RMND5B: variants seen among roughly 807,000 people sequenced by gnomAD.
RMND5B encodes E3 ubiquitin-protein transferase RMND5B.
A neutral mutation model predicts 50.4 loss-of-function variants in RMND5B; 42 were observed. The observed-to-expected ratio is 0.83, with a 90% CI of 0.65 to 1.08. RMND5B has a LOEUF of 1.08. Ranked by LOEUF, RMND5B falls within the 50% of genes least tolerant of loss-of-function variation. The probability of loss-of-function intolerance (pLI) is 0.00; values close to 1 mark genes in which losing one functional copy is unlikely to be tolerated. For missense variants in RMND5B, 463 were observed against 508.5 expected, an observed-to-expected ratio of 0.91 and a Z score of 0.86; for synonymous variants, 220 against 210.0, an observed-to-expected ratio of 1.05 and a Z score of -0.41.
intron 7 of RMND5B, chr5:178,145,874 C>G: frequency 2.0e-6 from 1 of 488,432 alleles, no homozygotes; most frequent in Non-Finnish European, 3.7e-6. Context: ...TGTCCTCATT[C>G]CTGATTCTGT....
At chr5:178,143,834 C>A (rs2113426630) in intron 6 of RMND5B, 107 bp downstream of exon 6, 3 of 1,471,330 alleles carry the variant, frequency 2.0e-6, no homozygotes, top group Middle Eastern at 1.8e-4. Context: ...TTGCCTGCAG[C>A]CCTGTCTCAA....
At position 178,147,879 on chromosome 5, in the gene RMND5B, G is replaced by A. The variant is rs1307227112; in HGVS notation, c.1114G>A (p.Gly372Arg). 5.6e-6 allele frequency: 9 copies of A among 1,614,084 alleles called. No homozygotes were observed. The highest frequency in any genetic ancestry group is 6.8e-6 in the Non-Finnish European group (8 of 1,180,010). ...TGCACTCAATAAGCTCATTAATGGA[G>A]GAAAGTAAGTTCCCCGTGCTCTACT... Reference protein sequence around the residue: ...RDALNKLINGGKLKCPYCPME... With the variant: ...RDALNKLINGRKLKCPYCPME... Residue 372 changes from glycine (G) to arginine (R), a missense_variant, in exon 10 of 11, where the codon GGA becomes AGA. Physicochemically the swap from Gly to Arg is moderately radical, Grantham distance 125. Transcript: ENST00000313386.
intron 3 of RMND5B, among the ~76,000 whole-genome samples, chr5:178,139,746 CAG>C (rs1478741140): frequency 1.4e-4 from 17 of 123,174 alleles, no homozygotes; most frequent in African/African-American, 5.4e-4. Context: ...TTAGTAGAGA[CAG>C]GGTTTTGCCA....
rs200672147 is a variant in RMND5B, at chr5:178,142,936, A to G, written c.370A>G (p.Ile124Val). 1.7e-4 allele frequency: 282 copies of G among 1,614,242 alleles called. No individual in the cohort carries two copies. The highest frequency in any genetic ancestry group is 2.2e-4 in the Non-Finnish European group (264 of 1,180,030). Residue 124 changes from isoleucine to valine, a missense_variant, in exon 5 of 11, where the codon ATC (isoleucine) becomes GTC (valine). Physicochemically the swap from Ile to Val is conservative, Grantham distance 29. Coordinates refer to ENST00000313386, the MANE Select transcript of RMND5B (RefSeq NM_022762.5). Reference sequence around the variant, plus strand: ...GCAGCAGCAGATCCTGCAGATGGCCATCGTGGAACACCTGTATCAGCAGGG... The same window carrying G: ...GCAGCAGCAGATCCTGCAGATGGCCGTCGTGGAACACCTGTATCAGCAGGG... The part of the protein sequence containing the change: ...EQQQQILQMA[I>V]VEHLYQQGML...
chr5:178,137,659 T>C lies in RMND5B; in HGVS notation c.-12-449T>C, dbSNP rs1441085153. 1.3e-4 allele frequency among the ~76,000 whole-genome samples: 20 copies of C among 152,144 alleles called. No individual in the cohort carries two copies. Among genetic ancestry groups the C allele is most frequent in the Admixed American group, 1.3e-3 (20 of 15,268 alleles). ...GAGCTGAGTTTGTGCCACTGCACTC[T>C]AGCCAGGGCAACAGAACAAGAGCCT... is the stretch of plus-strand genomic sequence containing the variant. On this transcript the variant is annotated intron_variant, in intron 2 of 10. Transcript: ENST00000313386. This position sits in a 1 kb window ranked among gnomAD's most constrained non-coding sequence, Gnocchi z 4.4.
At chr5:178,146,651 GGA>G (rs975938097) in intron 8 of RMND5B, 7 of 201,184 alleles carry the variant, frequency 3.5e-5, no homozygotes, top group Non-Finnish European at 7.2e-5. Flanking sequence ...TGCCTTCAGG[GGA>G]GATGTGAGTG....
Position 178,148,934 on chromosome 5 carries a change from C to A in RMND5B, c.*902C>A, listed in dbSNP as rs1756185613. Reference sequence around the variant, plus strand: ...CTATTTCCAGTTTATTCCAGGGTGCCTGAACTTGGCTGTTATGTATACTGA... The same window carrying A: ...CTATTTCCAGTTTATTCCAGGGTGCATGAACTTGGCTGTTATGTATACTGA... On this transcript the variant is annotated 3_prime_UTR_variant, in exon 11 of 11. Transcript: ENST00000313386. 6.6e-6 allele frequency: 1 copy of A among 152,280 alleles called. No homozygotes were observed. Among genetic ancestry groups the A allele is most frequent in the African/African-American group, 2.4e-5 (1 of 41,444 alleles). The allele number at this position is 152,280 out of a possible 1,614,324, so 9.4% of individuals were successfully genotyped here. A position where few individuals can be genotyped will look rare whatever the true frequency, so the allele number is the denominator to read the frequency against.
At chr5:178,147,253 T>C (rs1463625415) in intron 8 of RMND5B, 3 of 472,916 alleles carry the variant, frequency 6.3e-6, no homozygotes, top group African/African-American at 5.9e-5. Flanking sequence ...CAAGGACTTT[T>C]CAGTCATTAG....
chr5:178,142,874 G>T lies in RMND5B; in HGVS notation c.308G>T (p.Gly103Val). ...IDRNFDSEICGVVSDAVWDAR... is the reference protein window; with the variant it reads ...IDRNFDSEICVVVSDAVWDAR... ...CAGAACTTCGACTCTGAGATCTGTG[G>T]TGTTGTGTCAGATGCGGTGTGGGAC... is the stretch of plus-strand genomic sequence containing the variant. The change falls in exon 5 of 11, where the codon GGT becomes GTT. Residue 103 changes from glycine (G) to valine (V), a missense_variant. Gly to Val is a moderately radical substitution (Grantham distance 109, BLOSUM62 -3). Coordinates refer to ENST00000313386, the MANE Select transcript of RMND5B (RefSeq NM_022762.5). 1 of 1,614,240 alleles carries T rather than the reference G, an allele frequency of 6.2e-7. No individual in the cohort carries two copies. Among genetic ancestry groups the T allele is most frequent in the South Asian group, 1.1e-5 (1 of 91,084 alleles).
chr5:178,143,764 T>A (rs1000904262), intron 6 of RMND5B, 37 bp downstream of exon 6: 1 of 1,525,644 alleles, frequency 6.6e-7, no homozygotes, highest in African/African-American at 1.4e-5. Context: ...AGCATTCTGC[T>A]TCGACCTCTC....
Position 178,138,506 on chromosome 5 carries a change from T to C in RMND5B, c.139+248T>C. The C allele has an allele frequency of 1.0e-6, 1 of 976,148 alleles. No homozygotes were observed. The highest frequency in any genetic ancestry group is 1.4e-6 in the Non-Finnish European group (1 of 731,668). The allele number at this position is 976,148 out of a possible 1,614,324, so 60.5% of individuals were successfully genotyped here. ...ACTTACTTTTCTATTTTTAACTTTT[T>C]TTCATTTTATAATTGTGTGTGTGTG... On this transcript the variant is annotated intron_variant, in intron 3 of 10. Transcript: ENST00000313386. This position sits in a 1 kb window ranked among gnomAD's most constrained non-coding sequence, Gnocchi z 5.1.
In RMND5B at chr5:178,137,694, A is replaced by G. The variant is rs1402361775; in HGVS notation, c.-12-414A>G. ...AACAGAACAAGAGCCTGTCTCAAAA[A>G]AAGAAAATACATACGTGTAATATGA... On this transcript the variant is annotated intron_variant, in intron 2 of 10. Coordinates refer to ENST00000313386, the MANE Select transcript of RMND5B (RefSeq NM_022762.5). The surrounding 1 kb of genome is among the most constrained non-coding windows in gnomAD (Gnocchi z 4.4). Among the ~76,000 whole-genome samples, 4 of 152,216 alleles carry G rather than the reference A, an allele frequency of 2.6e-5. No individual in the cohort carries two copies. The highest frequency in any genetic ancestry group is 9.7e-5 in the African/African-American group (4 of 41,448).
intron 3 of RMND5B, among the ~76,000 whole-genome samples, chr5:178,140,827 CAAA>C (rs113302363): frequency 5.8e-5 from 7 of 120,618 alleles, no homozygotes; most frequent in Non-Finnish European, 1.1e-4. Flanking sequence ...GAGACTGTCT[CAAA>C]AAAAAAAAAA....
chr5:178,133,734 C>T (rs569674867), intron 2 of RMND5B, among the ~76,000 whole-genome samples: 3 of 139,036 alleles, frequency 2.2e-5, no homozygotes, highest in South Asian at 2.3e-4. Flanking sequence ...TTTTTGGAGA[C>T]GGAGTCTCAC....
intron 3 of RMND5B, among the ~76,000 whole-genome samples, chr5:178,139,710 ATT>A (rs113719288): frequency 5.2e-4 from 67 of 129,856 alleles, no homozygotes; most frequent in East Asian, 1.3e-3. Flanking sequence ...TGCCTGGCTA[ATT>A]TTTTTTTTTT....
Position 178,138,148 on chromosome 5 carries a change from A to G in RMND5B, c.29A>G (p.Glu10Gly). ...GAGCAGTGTGCGTGCGTGGAGAGAG[A>G]GCTGGACAAGGTCCTGCAGAAGTTC... MEQCACVERELDKVLQKFLT... is the reference protein window; with the variant it reads MEQCACVERGLDKVLQKFLT... Residue 10 changes from glutamate to glycine, a missense_variant, in exon 3 of 11, where the codon GAG becomes GGG. Transcript: ENST00000313386. The surrounding 1 kb of genome is among the most constrained non-coding windows in gnomAD (Gnocchi z 5.1). 6.2e-7 allele frequency: 1 copy of G among 1,610,520 alleles called. No individual in the cohort carries two copies. The highest frequency in any genetic ancestry group is 8.5e-7 in the Non-Finnish European group (1 of 1,178,458).
Position 178,148,909 on chromosome 5 carries a change from C to G in RMND5B, c.*877C>G, listed in dbSNP as rs941876276. ...ACCAGATCTGACCCTCAAGCCCAAG[C>G]TATTTCCAGTTTATTCCAGGGTGCC... On this transcript the variant is annotated 3_prime_UTR_variant, in exon 11 of 11. Coordinates refer to ENST00000313386, the MANE Select transcript of RMND5B (RefSeq NM_022762.5). The G allele has an allele frequency of 6.6e-6, 1 of 152,276 alleles. No individual in the cohort carries two copies. Among genetic ancestry groups the G allele is most frequent in the East Asian group, 1.9e-4 (1 of 5,206 alleles). 9.4% of individuals were successfully genotyped at this position (152,276 alleles called of 1,614,324 possible).
At chr5:178,147,921 C>T in intron 10 of RMND5B, 38 bp downstream of exon 10, 1 of 1,614,100 alleles carries the variant, frequency 6.2e-7, no homozygotes, top group Non-Finnish European at 8.5e-7. Context: ...TGGCTTGGCT[C>T]TCCTACTGGC....
chr5:178,134,559 ATGAC>A (rs1303984734), intron 2 of RMND5B, among the ~76,000 whole-genome samples: 5 of 152,188 alleles, frequency 3.3e-5, no homozygotes, highest in African/African-American at 1.2e-4. Flanking sequence ...CCTGGTGAAG[ATGAC>A]TGACTGATTC....
Sources: gnomAD v4.1 joint callset for allele counts (sites outside exome capture counted in the v4.1 genomes callset) on GRCh38, gnomAD v4.1.1 for gene constraint, Gnocchi (gnomAD v3.1) non-coding constraint, MANE v1.5 for transcripts, NCBI Gene and HGNC (gene_info 2026-07-23, HGNC 2026-07-21) for gene names.